The following PDZD2 variants were observed in gnomAD, a reference collection of about 807,000 sequenced individuals.
PDZD2 encodes PDZ domain-containing protein 2.
PDZD2 carries 90 observed loss-of-function variants against 220.7 expected under a neutral mutation model. That is an observed-to-expected ratio of 0.41 (90% CI 0.34 to 0.49). The LOEUF is 0.49. Among genes scored for constraint, PDZD2 ranks in the 20% least tolerant of loss-of-function variants. The pLI, the probability that PDZD2 is intolerant of heterozygous loss-of-function variation, is 0.28. For synonymous variants in PDZD2, 1,375 were observed against 1,450.5 expected (o/e 0.95, Z 1.18); for missense variants, 3,174 against 3,608.5 (o/e 0.88, Z 3.08).
chr5:32,010,086 AAAAAAAG>A (rs1475079662), intron 5 of PDZD2, among the ~76,000 whole-genome samples: 5 of 151,756 alleles, frequency 3.3e-5, no homozygotes, highest in Non-Finnish European at 5.9e-5. Context: ...GACTGTCTCA[AAAAAAAG>A]AAAAAAGAAA....
Position 31,822,860 on chromosome 5 carries a change from T to C in PDZD2, c.476+23136T>C, listed in dbSNP as rs1224514430. The C allele has an allele frequency of 5.1e-6, 4 of 783,248 alleles. No homozygotes were observed. In the African/African-American group the frequency reaches 5.2e-5, roughly 10 times the overall value. 48.5% of individuals were successfully genotyped at this position (783,248 alleles called of 1,614,324 possible). On this transcript the variant is annotated intron_variant, in intron 2 of 24. Coordinates refer to ENST00000438447, the MANE Select transcript of PDZD2 (RefSeq NM_178140.4). ...ATGGGGAAGTGCACATACACAGACC[T>C]CATCTTGTAACGGAAGCCCAGTGTG...
chr5:32,010,677 A>G (rs778697779), intron 6 of PDZD2, 195 bp downstream of exon 6: 1 of 654,986 alleles, frequency 1.5e-6, no homozygotes, highest in Non-Finnish European at 2.8e-6. Context: ...CTTTAAGGAA[A>G]AAAAATGAAA....
In PDZD2 at chr5:31,646,403, A is replaced by G. The variant is rs12653570; in HGVS notation, c.-361+6966A>G. On this transcript the variant is annotated intron_variant, in intron 1 of 24. Transcript: ENST00000438447. This position sits in a 1 kb window ranked among gnomAD's most constrained non-coding sequence, Gnocchi z 4.7. Reference sequence around the variant, plus strand: ...CTGACCCCTCCACGTCATGAACACTAAGTAGCTCCTGACACTGCTTATGTT... The same window carrying G: ...CTGACCCCTCCACGTCATGAACACTGAGTAGCTCCTGACACTGCTTATGTT... 0.45 allele frequency among the ~76,000 whole-genome samples: 68,748 copies of G among 151,968 alleles called. 16,856 individuals carry two copies. The highest frequency in any genetic ancestry group is 0.7 in the East Asian group (3,612 of 5,154).
At chr5:31,666,320 G>C (rs2150115090) in intron 1 of PDZD2, among the ~76,000 whole-genome samples, 3 of 152,318 alleles carry the variant, frequency 2.0e-5, no homozygotes, top group Admixed American at 2.0e-4. Flanking sequence ...ACAGCCCCAG[G>C]ATCTTGTAAA....
chr5:32,095,071 G>C (rs960406079), intron 21 of PDZD2, among the ~76,000 whole-genome samples: 1 of 152,196 alleles, frequency 6.6e-6, no homozygotes, highest in Non-Finnish European at 1.5e-5. Context: ...CTTTACCCCA[G>C]ACATTTTAGT....
chr5:31,645,405 T>C (rs1359444228), intron 1 of PDZD2, among the ~76,000 whole-genome samples: 3 of 151,158 alleles, frequency 2.0e-5, no homozygotes, highest in African/African-American at 7.3e-5. Flanking sequence ...GGCGCGATCT[T>C]GGCTCACTGC....
intron 2 of PDZD2, among the ~76,000 whole-genome samples, chr5:31,922,160 T>C (rs781605229): frequency 1.3e-5 from 2 of 152,220 alleles, no homozygotes; most frequent in African/African-American, 2.4e-5. Context: ...GAAATTTCCA[T>C]ATATGACCCA....
chr5:32,023,031 G>A (rs1449704262), intron 6 of PDZD2, among the ~76,000 whole-genome samples: 8 of 152,172 alleles, frequency 5.3e-5, no homozygotes, highest in Non-Finnish European at 4.4e-5. Flanking sequence ...AGGATGGAGA[G>A]GCGGGAAGCC....
At chr5:32,014,511 G>A (rs948492332) in intron 6 of PDZD2, among the ~76,000 whole-genome samples, 1 of 152,062 alleles carries the variant, frequency 6.6e-6, no homozygotes, top group Non-Finnish European at 1.5e-5. Context: ...AGTGGGGTCT[G>A]GCTTCAGTGA....
chr5:31,765,476 C>A (rs1419605907), intron 1 of PDZD2, among the ~76,000 whole-genome samples: 2 of 152,192 alleles, frequency 1.3e-5, no homozygotes, highest in Admixed American at 1.3e-4. Flanking sequence ...AGATAAAAAT[C>A]AATTTCCTGC....
chr5:31,898,136 G>C (rs1741741951), intron 2 of PDZD2, among the ~76,000 whole-genome samples: 1 of 152,224 alleles, frequency 6.6e-6, no homozygotes, highest in Non-Finnish European at 1.5e-5. Context: ...TTTGTTTAGT[G>C]ATGAACTCAT....
chr5:31,786,954 G>A (rs971640490), intron 1 of PDZD2, among the ~76,000 whole-genome samples: 7 of 152,142 alleles, frequency 4.6e-5, no homozygotes, highest in Non-Finnish European at 7.3e-5. Flanking sequence ...TGGTATGAAA[G>A]GATTTGTAAA....
intron 1 of PDZD2, among the ~76,000 whole-genome samples, chr5:31,719,771 C>G (rs908346375): frequency 6.6e-6 from 1 of 151,994 alleles, no homozygotes; most frequent in Non-Finnish European, 1.5e-5. Context: ...ATTTAATCAG[C>G]AATAATTGAT....
At chr5:32,056,473 C>T (rs777144116) in intron 10 of PDZD2, among the ~76,000 whole-genome samples, 3 of 152,140 alleles carry the variant, frequency 2.0e-5, no homozygotes, top group Non-Finnish European at 4.4e-5. Context: ...CTCTCTGGGG[C>T]ATCTTTGTAG....
intron 1 of PDZD2, among the ~76,000 whole-genome samples, chr5:31,691,588 G>A (rs1319297583): frequency 7.2e-6 from 1 of 138,094 alleles, no homozygotes; most frequent in Non-Finnish European, 1.6e-5. Flanking sequence ...CTTATCTGGC[G>A]CCACCTGCTT....
chr5:31,987,387 G>GCTT (rs929518004), intron 3 of PDZD2, among the ~76,000 whole-genome samples: 6 of 152,140 alleles, frequency 3.9e-5, no homozygotes, highest in African/African-American at 1.2e-4. Flanking sequence ...CCTCATGCAG[G>GCTT]CTTCCTGGAT....
intron 2 of PDZD2, among the ~76,000 whole-genome samples, chr5:31,881,705 C>T (rs1739943647): frequency 6.7e-6 from 1 of 148,320 alleles, no homozygotes; most frequent in Admixed American, 6.8e-5. Flanking sequence ...AATACACACA[C>T]ATATATATAT....
In PDZD2 at chr5:31,808,250, G is replaced by A. The variant is rs936518122; in HGVS notation, c.476+8526G>A. On this transcript the variant is annotated intron_variant, in intron 2 of 24. Coordinates refer to ENST00000438447, the MANE Select transcript of PDZD2 (RefSeq NM_178140.4). ...CATCACCATGACTTAGAGACATTAA[G>A]GAAAGGTGAAATTATACTCAGCTTG... Among the ~76,000 whole-genome samples the A allele has an allele frequency of 3.3e-5, 5 of 152,162 alleles. No homozygotes were observed. The East Asian group carries it at 5.8e-4, about 18-fold the overall frequency.
At position 32,077,329 on chromosome 5, in the gene PDZD2, G is replaced by C. The variant is rs150305237; in HGVS notation, c.3538-133G>C. On this transcript the variant is annotated intron_variant, in intron 18 of 24. Coordinates refer to ENST00000438447, the MANE Select transcript of PDZD2 (RefSeq NM_178140.4). ...CTAGCAGACCTTAAACCCACAATCT[G>C]GATCTGCTGGCTCCTAGTCCAGGGC... The C allele has an allele frequency of 5.5e-4, 439 of 796,778 alleles. 2 individuals carry two copies. The African/African-American group carries it at 6.7e-3, about 12-fold the overall frequency. The allele number at this position is 796,778 out of a possible 1,614,324, so 49.4% of individuals were successfully genotyped here. A position where few individuals can be genotyped will look rare whatever the true frequency, so the allele number is the denominator to read the frequency against.
Sources: allele counts gnomAD v4.1 joint callset (sites outside exome capture counted in the v4.1 genomes callset), GRCh38; gene constraint gnomAD v4.1.1; non-coding constraint Gnocchi (gnomAD v3.1); transcripts MANE v1.5; gene names NCBI Gene and HGNC (gene_info 2026-07-23, HGNC 2026-07-21).